Variants in IQCK observed in about 807,000 individuals in gnomAD.
The protein encoded by IQCK is IQ motif containing K.
Under a neutral mutation model 28.1 loss-of-function variants are expected in IQCK, and 29 were observed. The observed-to-expected ratio is 1.03, with a 90% CI of 0.77 to 1.41. IQCK has a LOEUF of 1.41. IQCK is among the 40% of genes most tolerant of loss of function. The pLI, the probability that IQCK is intolerant of heterozygous loss-of-function variation, is 0.00. For missense variants in IQCK, 359 were observed against 314.7 expected (o/e 1.14, Z -1.07); for synonymous variants, 113 against 115.1 (o/e 0.98, Z 0.12).
chr16:19,718,498 T>G lies in IQCK; in HGVS notation c.181+11T>G. 6.3e-7 allele frequency: 1 copy of G among 1,587,910 alleles called. No individual in the cohort carries two copies. The highest frequency in any genetic ancestry group is 8.6e-7 in the Non-Finnish European group (1 of 1,168,126). ...AGCAGATCTGCAAGGGTAGGAAACC[T>G]GGGCTGGCCGAGAGGGGCGGGACCC... On this transcript the variant is annotated intron_variant, in intron 1 of 7. Transcript: ENST00000564186.
chr16:19,738,182 G>C (rs879808162), intron 4 of IQCK, among the ~76,000 whole-genome samples: 1 of 152,184 alleles, frequency 6.6e-6, no homozygotes, highest in Non-Finnish European at 1.5e-5. Context: ...TGAACATAGA[G>C]TTGGCCCTTG....
At chr16:19,849,739 C>CT (rs2056457455) in intron 9 of IQCK, among the ~76,000 whole-genome samples, 1 of 143,406 alleles carries the variant, frequency 7.0e-6, no homozygotes, top group Admixed American at 7.1e-5. Flanking sequence ...TCAGCCTGGG[C>CT]AACAGAATGA....
chr16:19,793,833 A>G (rs1300560571), intron 7 of IQCK, among the ~76,000 whole-genome samples: 1 of 18,982 alleles, frequency 5.3e-5, no homozygotes, highest in East Asian at 1.9e-3. Context: ...TAGTACTAAC[A>G]TAAGGATAAA....
chr16:19,752,716 A>G (rs557747232), intron 4 of IQCK, among the ~76,000 whole-genome samples: 27 of 152,218 alleles, frequency 1.8e-4, no homozygotes, highest in African/African-American at 6.3e-4. Context: ...CATACATGCC[A>G]CCATGCCTGG....
intron 1 of IQCK, among the ~76,000 whole-genome samples, chr16:19,724,689 C>T (rs1338778838): frequency 1.3e-5 from 2 of 152,142 alleles, no homozygotes; most frequent in African/African-American, 2.4e-5. Flanking sequence ...CCACCACACC[C>T]GGCTAATTTT....
intron 4 of IQCK, among the ~76,000 whole-genome samples, chr16:19,739,255 G>A (rs1016621313): frequency 2.6e-5 from 4 of 152,166 alleles, no homozygotes; most frequent in African/African-American, 9.7e-5. Context: ...TAGGCCTGGT[G>A]AATTCAAATC....
chr16:19,821,331 G>A (rs1437331532), intron 7 of IQCK, among the ~76,000 whole-genome samples: 1 of 152,212 alleles, frequency 6.6e-6, no homozygotes, highest in African/African-American at 2.4e-5. Flanking sequence ...AAACCAGTTT[G>A]TTTTCTCAAT....
chr16:19,760,630 A>G (rs1363316494), intron 4 of IQCK, among the ~76,000 whole-genome samples: 6 of 151,914 alleles, frequency 3.9e-5, no homozygotes, highest in African/African-American at 1.5e-4. Context: ...TCCCTTCTCC[A>G]TTTCTCTGAT....
chr16:19,814,025 C>T (rs1333802357), intron 7 of IQCK, among the ~76,000 whole-genome samples: 1 of 151,906 alleles, frequency 6.6e-6, no homozygotes, highest in African/African-American at 2.4e-5. Context: ...CGAGACTAGC[C>T]TGGCCAACGT....
intron 6 of IQCK, among the ~76,000 whole-genome samples, chr16:19,776,069 T>C (rs2055389950): frequency 6.6e-6 from 1 of 151,770 alleles, no homozygotes; most frequent in South Asian, 2.1e-4. Context: ...TTATTAGAGA[T>C]GGGGTTTCAC....
chr16:19,808,882 G>C (rs762461315), intron 7 of IQCK, among the ~76,000 whole-genome samples: 2 of 152,200 alleles, frequency 1.3e-5, no homozygotes, highest in Non-Finnish European at 2.9e-5. Context: ...TTTAGACAGA[G>C]TTTTCACTCT....
rs1472985923 is a variant in IQCK at position 19,799,640 on chromosome 16, A to ACAC, written c.690+10719_690+10720insACC. On this transcript the variant is annotated intron_variant, in intron 7 of 7. Transcript: ENST00000564186. ...CACACACACACACACACACACACAC[A>ACAC]CCCAGTGAATACATTGAGTCATAAC... Among the ~76,000 whole-genome samples, 277 of 111,792 alleles carry ACAC rather than the reference A, an allele frequency of 2.5e-3. 21 individuals carry two copies. The highest frequency in any genetic ancestry group is 0.012 in the African/African-American group (259 of 21,694). The allele number at this position is 111,792 out of a possible 152,430, so 73.3% of individuals were successfully genotyped here. A position where few individuals can be genotyped will look rare whatever the true frequency, so the allele number is the denominator to read the frequency against.
chr16:19,770,210 C>T (rs2151717065), intron 6 of IQCK, among the ~76,000 whole-genome samples: 1 of 152,218 alleles, frequency 6.6e-6, no homozygotes, highest in Admixed American at 6.5e-5. Context: ...GAGTTGATTC[C>T]AGTTCAATGA....
intron 7 of IQCK, among the ~76,000 whole-genome samples, chr16:19,816,077 A>G (rs1054988688): frequency 2.0e-5 from 3 of 152,188 alleles, no homozygotes; most frequent in Non-Finnish European, 2.9e-5. Flanking sequence ...CAACTGTAAT[A>G]TATGAACTGC....
At chr16:19,746,667 A>G (rs1488782124) in intron 4 of IQCK, among the ~76,000 whole-genome samples, 1 of 152,238 alleles carries the variant, frequency 6.6e-6, no homozygotes, top group Non-Finnish European at 1.5e-5. Context: ...TTTTGTTTCT[A>G]AAAATCAAAG....
chr16:19,852,056 G>A (rs1245448993), intron 9 of IQCK, among the ~76,000 whole-genome samples: 1 of 152,116 alleles, frequency 6.6e-6, no homozygotes, highest in African/African-American at 2.4e-5. Flanking sequence ...ATCTGGAACA[G>A]GTCTCTATGG....
intron 2 of IQCK, 120 bp from the exon 3 acceptor site, chr16:19,733,578 C>A: frequency 9.0e-7 from 1 of 1,108,008 alleles, no homozygotes; most frequent in Non-Finnish European, 1.3e-6. Flanking sequence ...CTGTGCTCAG[C>A]GTACCCCCTT....
intron 4 of IQCK, among the ~76,000 whole-genome samples, chr16:19,754,741 G>A (rs1000014203): frequency 3.3e-5 from 5 of 151,798 alleles, no homozygotes; most frequent in Admixed American, 2.0e-4. Flanking sequence ...AAGTACAAGG[G>A]CTTTGGTCAG....
intron 7 of IQCK, among the ~76,000 whole-genome samples, chr16:19,805,811 A>C (rs2055825842): frequency 6.6e-6 from 1 of 152,172 alleles, no homozygotes; most frequent in African/African-American, 2.4e-5. Flanking sequence ...GTTATTACTC[A>C]AATCAATATC....
Sources: allele counts gnomAD v4.1 joint callset (sites outside exome capture counted in the v4.1 genomes callset), GRCh38; gene constraint gnomAD v4.1.1; transcripts MANE v1.5; gene names NCBI Gene and HGNC (gene_info 2026-07-23, HGNC 2026-07-21).